CSMD1: variants seen among roughly 807,000 people sequenced by gnomAD.
CSMD1 encodes the protein CUB and sushi domain-containing protein 1.
CSMD1 carries 213 observed loss-of-function variants against 417.5 expected under a neutral mutation model. The observed-to-expected ratio is 0.51, with a 90% confidence interval of 0.46 to 0.57. The LOEUF is 0.57. Among genes scored for constraint, CSMD1 ranks in the 20% least tolerant of loss-of-function variants. The pLI is 0.00. For missense variants in CSMD1, 6,923 were observed against 4,529.7 expected (o/e 1.53, Z -15.17); for synonymous variants, 2,862 against 1,736.8 (o/e 1.65, Z -16.11).
At chr8:4,265,065 C>G (rs1804153701) in intron 3 of CSMD1, among the ~76,000 whole-genome samples, 1 of 152,136 alleles carries the variant, frequency 6.6e-6, no homozygotes, top group Non-Finnish European at 1.5e-5. Context: ...GATACAAAGG[C>G]TGCTCCTTAT....
At chr8:3,940,497 C>CTGTGTG (rs34005059) in intron 5 of CSMD1, among the ~76,000 whole-genome samples, 3,382 of 144,980 alleles carry the variant, frequency 0.023, 42 homozygotes, top group African/African-American at 0.037. Context: ...ATTATTTCCT[C>CTGTGTG]TGTGTGTGTG....
intron 10 of CSMD1, among the ~76,000 whole-genome samples, chr8:3,559,999 T>G (rs925376027): frequency 6.6e-6 from 1 of 152,068 alleles, no homozygotes; most frequent in African/African-American, 2.4e-5. Flanking sequence ...CCTAACAAGA[T>G]GAGTGGCCAG....
intron 26 of CSMD1, among the ~76,000 whole-genome samples, chr8:3,243,411 G>A (rs573541597): frequency 1.3e-4 from 19 of 151,220 alleles, no homozygotes; most frequent in Middle Eastern, 3.4e-3. Flanking sequence ...GGCTGAGTCC[G>A]AAAAGAGAGT....
intron 3 of CSMD1, among the ~76,000 whole-genome samples, chr8:4,380,679 C>A (rs952848800): frequency 6.6e-6 from 1 of 152,146 alleles, no homozygotes. Flanking sequence ...ATGGACCATA[C>A]TAACATAAGA....
At chr8:4,869,501 A>G (rs539340829) in intron 1 of CSMD1, among the ~76,000 whole-genome samples, 1 of 152,204 alleles carries the variant, frequency 6.6e-6, no homozygotes, top group South Asian at 2.1e-4. Context: ...GTTTAAACTC[A>G]AGGTAGTTGA....
rs1803274688 is a variant in CSMD1, at chr8:3,287,877, T to C, written c.3951-3531A>G. Among the ~76,000 whole-genome samples the C allele has an allele frequency of 1.4e-5, 2 of 146,788 alleles. 1 individual carries two copies. The highest frequency in any genetic ancestry group is 5.4e-5 in the African/African-American group (2 of 37,336). ...GGTGAGAGAGGGCATCCCTCTCTTG[T>C]GCCAGTTTGCAAAGGGAATGCTTCC... is the stretch of plus-strand genomic sequence containing the variant. On this transcript the variant is annotated intron_variant, in intron 25 of 69. Coordinates refer to ENST00000635120, the MANE Select transcript of CSMD1 (RefSeq NM_033225.6).
intron 7 of CSMD1, among the ~76,000 whole-genome samples, chr8:3,657,047 T>A (rs1360045271): frequency 7.9e-6 from 1 of 127,060 alleles, no homozygotes; most frequent in Non-Finnish European, 1.9e-5. Flanking sequence ...TGCCAGGGCA[T>A]TTTTGGGATA....
intron 23 of CSMD1, among the ~76,000 whole-genome samples, chr8:3,323,400 C>T (rs187719391): frequency 6.6e-6 from 1 of 152,084 alleles, no homozygotes; most frequent in Non-Finnish European, 1.5e-5. Flanking sequence ...CCCATTTTCC[C>T]AAGTCACTAA....
chr8:4,016,943 A>G (rs1343894307), intron 4 of CSMD1, among the ~76,000 whole-genome samples: 1 of 152,214 alleles, frequency 6.6e-6, no homozygotes, highest in Non-Finnish European at 1.5e-5. Flanking sequence ...TCAAAAGATG[A>G]AACTCCTTAA....
intron 26 of CSMD1, among the ~76,000 whole-genome samples, chr8:3,247,857 A>G (rs73185565): frequency 0.096 from 14,548 of 152,312 alleles, 843 homozygotes; most frequent in Non-Finnish European, 0.12. Context: ...TCAATAATTC[A>G]CAAGGGGGGA....
chr8:4,910,716 G>A (rs767654893), intron 1 of CSMD1, among the ~76,000 whole-genome samples: 2 of 152,138 alleles, frequency 1.3e-5, no homozygotes, highest in African/African-American at 4.8e-5. Flanking sequence ...GATATTCTTT[G>A]TAAGTGTTAA....
intron 2 of CSMD1, among the ~76,000 whole-genome samples, chr8:4,443,792 G>A (rs979915811): frequency 1.2e-4 from 18 of 152,132 alleles, no homozygotes; most frequent in Non-Finnish European, 1.9e-4. Flanking sequence ...TGTGATCTGT[G>A]TCATGTCCAG....
At chr8:3,558,581 ATGGTGT>A (rs1799308852) in intron 10 of CSMD1, among the ~76,000 whole-genome samples, 1 of 145,184 alleles carries the variant, frequency 6.9e-6, no homozygotes, top group African/African-American at 2.7e-5. Context: ...GCAATGATGA[ATGGTGT>A]CTCAATAGTA....
chr8:3,583,644 A>C (rs2116985746), intron 9 of CSMD1, among the ~76,000 whole-genome samples: 1 of 152,162 alleles, frequency 6.6e-6, no homozygotes, highest in Middle Eastern at 3.4e-3. Flanking sequence ...GAGGACTATC[A>C]AACAAACAGG....
At chr8:4,992,008 A>G (rs1449296278) in intron 1 of CSMD1, among the ~76,000 whole-genome samples, 1 of 151,942 alleles carries the variant, frequency 6.6e-6, no homozygotes, top group Non-Finnish European at 1.5e-5. Flanking sequence ...TGCGCACAGC[A>G]CCTCTCCAGC....
intron 3 of CSMD1, among the ~76,000 whole-genome samples, chr8:4,404,140 C>G (rs907740230): frequency 3.9e-5 from 6 of 152,168 alleles, no homozygotes; most frequent in South Asian, 2.1e-4. Context: ...TTATCTTTTT[C>G]TCAGCGTAGA....
chr8:4,689,478 G>C (rs746209152), intron 1 of CSMD1, among the ~76,000 whole-genome samples: 2 of 152,100 alleles, frequency 1.3e-5, no homozygotes, highest in African/African-American at 2.4e-5. Context: ...GGGAAAAAAG[G>C]GTTTTCTTTA....
intron 1 of CSMD1, among the ~76,000 whole-genome samples, chr8:4,870,423 T>G (rs1027521302): frequency 6.6e-6 from 1 of 152,170 alleles, no homozygotes; most frequent in Non-Finnish European, 1.5e-5. Context: ...TCTTAAAGGA[T>G]GCATAGTATT....
rs79436370 is a variant in CSMD1 at position 3,827,020 on chromosome 8, G to A, written c.819-72978C>T. ...TGGTCTTGAACTCCTGATATGAAGT[G>A]ATCCTCCCATCTTGGCCTTTTGAAG... On this transcript the variant is annotated intron_variant, in intron 5 of 69. Transcript: ENST00000635120. 9.1e-3 allele frequency among the ~76,000 whole-genome samples: 1,391 copies of A among 152,204 alleles called. 34 individuals carry two copies. Among genetic ancestry groups the A allele is most frequent in the African/African-American group, 0.031 (1,267 of 41,524 alleles).
Sources: gnomAD v4.1 joint callset for allele counts (sites outside exome capture counted in the v4.1 genomes callset) on GRCh38, gnomAD v4.1.1 for gene constraint, MANE v1.5 for transcripts, NCBI Gene and HGNC (gene_info 2026-07-23, HGNC 2026-07-21) for gene names.